EXOC4: variants seen among roughly 807,000 people sequenced by gnomAD.
EXOC4 encodes the protein SEC8-like 1.
EXOC4 carries 71 observed loss-of-function variants against 107.2 expected under a neutral mutation model. The ratio of observed to expected loss-of-function variants is 0.66; its 90% CI spans 0.55 to 0.81. The LOEUF is 0.81. EXOC4 is among the 30% of genes least tolerant of loss of function. EXOC4 has a pLI of 0.00. For synonymous variants in EXOC4, 456 were observed against 441.2 expected, an observed-to-expected ratio of 1.03 and a Z score of -0.42; for missense variants, 1,108 against 1,189.6, an observed-to-expected ratio of 0.93 and a Z score of 1.01.
At chr7:134,028,703 T>C (rs1321497639) in intron 17 of EXOC4, among the ~76,000 whole-genome samples, 1 of 152,228 alleles carries the variant, frequency 6.6e-6, no homozygotes, top group Non-Finnish European at 1.5e-5. Flanking sequence ...ATTTCTCCTT[T>C]GTGTGCACAG....
chr7:134,002,033 G>T (rs1215924363), intron 15 of EXOC4, among the ~76,000 whole-genome samples: 2 of 152,174 alleles, frequency 1.3e-5, no homozygotes, highest in South Asian at 4.1e-4. Context: ...CAATCAGTGT[G>T]CTAGTCATGA....
At chr7:133,497,570 G>A (rs968472628) in intron 9 of EXOC4, among the ~76,000 whole-genome samples, 4 of 151,906 alleles carry the variant, frequency 2.6e-5, no homozygotes, top group African/African-American at 9.7e-5. Context: ...AGCTGGGACT[G>A]CAGGTGCCTG....
intron 4 of EXOC4, among the ~76,000 whole-genome samples, chr7:133,312,601 A>G (rs1312146016): frequency 6.6e-6 from 1 of 152,178 alleles, no homozygotes; most frequent in Non-Finnish European, 1.5e-5. Context: ...GGGAAAAACT[A>G]GAATTCAGAT....
chr7:133,831,915 GA>G (rs1217547488), intron 11 of EXOC4, among the ~76,000 whole-genome samples: 2 of 152,050 alleles, frequency 1.3e-5, no homozygotes, highest in African/African-American at 4.8e-5. Context: ...TAACTACATG[GA>G]GCATTCTAGC....
rs186946424 is a variant in EXOC4 at position 133,639,461 on chromosome 7, A to G, written c.1514+9320A>G. ...GTATTTTTCATTTCATGGTCATGAA[A>G]TCTTTTTTATTTTCCTTTTGTAGTT... On this transcript the variant is annotated intron_variant, in intron 10 of 17. Coordinates refer to ENST00000253861, the MANE Select transcript of EXOC4 (RefSeq NM_021807.4). Among the ~76,000 whole-genome samples the G allele has an allele frequency of 1.4e-4, 21 of 152,242 alleles. No individual in the cohort carries two copies. The East Asian group carries it at 3.5e-3, about 25-fold the overall frequency.
chr7:133,361,251 C>T (rs1448179133), intron 6 of EXOC4, among the ~76,000 whole-genome samples: 1 of 152,120 alleles, frequency 6.6e-6, no homozygotes, highest in Non-Finnish European at 1.5e-5. Flanking sequence ...ATGCCATTTT[C>T]ACTGTTTTTG....
chr7:133,871,293 C>A (rs1203364645), intron 11 of EXOC4, among the ~76,000 whole-genome samples: 2 of 151,348 alleles, frequency 1.3e-5, no homozygotes, highest in African/African-American at 4.9e-5. Flanking sequence ...ACCAGCCACA[C>A]AACCAAAAAA....
intron 9 of EXOC4, among the ~76,000 whole-genome samples, chr7:133,628,546 C>T (rs1263058559): frequency 2.6e-5 from 4 of 152,194 alleles, no homozygotes; most frequent in African/African-American, 9.6e-5. Flanking sequence ...TCAGAGATTA[C>T]ATTAGTTGAA....
chr7:133,274,203 T>G (rs1793938187), intron 1 of EXOC4, among the ~76,000 whole-genome samples: 1 of 152,244 alleles, frequency 6.6e-6, no homozygotes, highest in African/African-American at 2.4e-5. Context: ...CTTAGATGAC[T>G]GCTGTTGTAA....
intron 13 of EXOC4, among the ~76,000 whole-genome samples, chr7:133,924,166 A>G (rs867461829): frequency 6.6e-6 from 1 of 152,216 alleles, no homozygotes; most frequent in South Asian, 2.1e-4. Context: ...TGCCTGGGTG[A>G]ACATGTCCCC....
chr7:133,343,859 G>T (rs984360866), intron 5 of EXOC4, among the ~76,000 whole-genome samples: 1 of 151,236 alleles, frequency 6.6e-6, no homozygotes. Context: ...GGTTATCCAG[G>T]CTGGAGAGCA....
intron 10 of EXOC4, among the ~76,000 whole-genome samples, chr7:133,645,118 A>C (rs1246201313): frequency 1.0e-4 from 14 of 135,038 alleles, no homozygotes; most frequent in African/African-American, 3.3e-4. Flanking sequence ...TTGAGATGGA[A>C]TCTTGCTCTG....
At chr7:133,468,112 C>T (rs1357033302) in intron 7 of EXOC4, among the ~76,000 whole-genome samples, 4 of 151,980 alleles carry the variant, frequency 2.6e-5, no homozygotes, top group Non-Finnish European at 4.4e-5. Flanking sequence ...GAGCTATTCT[C>T]TTGAGAAAAA....
intron 9 of EXOC4, among the ~76,000 whole-genome samples, chr7:133,581,804 A>G (rs1801282273): frequency 6.6e-6 from 1 of 151,302 alleles, no homozygotes; most frequent in Non-Finnish European, 1.5e-5. Flanking sequence ...TGGGTAATTT[A>G]TAAAGGAAAA....
Position 133,608,989 on chromosome 7 carries a change from T to C in EXOC4, c.1418-21056T>C, listed in dbSNP as rs142490772. On this transcript the variant is annotated intron_variant, in intron 9 of 17. Transcript: ENST00000253861. ...TCATATTGTTATCAAGATTTTACCA[T>C]ATTGGGTTCATCTATTTTATTTTAT... is the stretch of plus-strand genomic sequence containing the variant. Among the ~76,000 whole-genome samples, 101 of 152,368 alleles carry C rather than the reference T, an allele frequency of 6.6e-4. 1 individual carries two copies. The highest frequency in any genetic ancestry group is 2.3e-3 in the African/African-American group (94 of 41,592).
intron 14 of EXOC4, among the ~76,000 whole-genome samples, chr7:133,940,777 AT>A (rs112795844): frequency 0.28 from 41,443 of 146,906 alleles, 6,143 homozygotes; most frequent in Non-Finnish European, 0.35. Context: ...GCTTTTTATT[AT>A]TTTTTTTTTT....
intron 10 of EXOC4, among the ~76,000 whole-genome samples, chr7:133,649,245 A>G (rs1046123894): frequency 2.2e-4 from 33 of 152,128 alleles, no homozygotes; most frequent in African/African-American, 7.5e-4. Flanking sequence ...CCAGATATTG[A>G]CAGAATCATT....
At chr7:133,748,282 T>G (rs1262455102) in intron 10 of EXOC4, among the ~76,000 whole-genome samples, 2 of 152,192 alleles carry the variant, frequency 1.3e-5, no homozygotes, top group Non-Finnish European at 2.9e-5. Flanking sequence ...TTTTCAAGAA[T>G]GATACAGTTT....
chr7:133,639,604 GAGA>G (rs1343902468), intron 10 of EXOC4, among the ~76,000 whole-genome samples: 2 of 152,106 alleles, frequency 1.3e-5, no homozygotes, highest in Non-Finnish European at 2.9e-5. Flanking sequence ...AGCTAGAAAG[GAGA>G]AGAAGGTGGA....
Sources: gnomAD v4.1 joint callset for allele counts (sites outside exome capture counted in the v4.1 genomes callset) on GRCh38, gnomAD v4.1.1 for gene constraint, MANE v1.5 for transcripts, NCBI Gene and HGNC (gene_info 2026-07-23, HGNC 2026-07-21) for gene names.